The following ABCA12 variants were observed in gnomAD, a reference collection of about 807,000 sequenced individuals.
The protein encoded by ABCA12 is glucosylceramide transporter ABCA12.
In ABCA12, 156 loss-of-function variants were observed where a neutral mutation model predicts 293.5. The observed-to-expected ratio is 0.53, with a 90% CI of 0.47 to 0.61. The LOEUF (loss-of-function observed/expected upper bound fraction) is 0.61, where lower values mean the gene tolerates loss of function less well. Ranked by LOEUF, ABCA12 falls within the 20% of genes least tolerant of loss-of-function variation. The pLI is 0.00. For missense variants in ABCA12, 2,797 were observed against 3,090.2 expected (o/e 0.91, Z 2.25); for synonymous variants, 1,063 against 1,108.0 (o/e 0.96, Z 0.81).
At chr2:215,023,249 C>T (rs1700669797) in intron 11 of ABCA12, 1 of 152,170 alleles carries the variant, frequency 6.6e-6, no homozygotes, top group African/African-American at 2.4e-5. Flanking sequence ...TCCCATGTGT[C>T]ATACCCTATG....
In ABCA12 at chr2:214,992,477, A is replaced by G. The variant is rs2182545; in HGVS notation, c.3295-1446T>C. The stretch of plus-strand genomic sequence containing the variant: ...AAAAAAAAATGAAAAAAAAAAAAAA[A>G]CAATTCATGATTAATGTTAAGCCTA... On this transcript the variant is annotated intron_variant, in intron 23 of 52. Transcript: ENST00000272895. 5.7e-3 allele frequency among the ~76,000 whole-genome samples: 827 copies of G among 144,632 alleles called. 12 individuals are homozygous for G. The highest frequency in any genetic ancestry group is 0.02 in the African/African-American group (755 of 38,372). 94.9% of individuals were successfully genotyped at this position (144,632 alleles called of 152,430 possible).
chr2:214,995,519 T>C (rs1362530333), intron 23 of ABCA12, among the ~76,000 whole-genome samples: 1 of 152,166 alleles, frequency 6.6e-6, no homozygotes, highest in Admixed American at 6.5e-5. Flanking sequence ...TCCGTTCTAC[T>C]GCCAGATCTA....
intron 26 of ABCA12, among the ~76,000 whole-genome samples, chr2:214,988,945 A>G (rs1699846658): frequency 6.6e-6 from 1 of 151,338 alleles, no homozygotes; most frequent in South Asian, 2.1e-4. Flanking sequence ...TTGGGAGGCC[A>G]AGGCGGGCAG....
intron 39 of ABCA12, among the ~76,000 whole-genome samples, chr2:214,965,630 A>C (rs953099780): frequency 2.0e-5 from 3 of 152,232 alleles, no homozygotes; most frequent in Non-Finnish European, 4.4e-5. Flanking sequence ...ACATGAAAAA[A>C]AGCTCAACAT....
At chr2:215,125,272 C>A (rs1236559827) in intron 1 of ABCA12, among the ~76,000 whole-genome samples, 1 of 151,934 alleles carries the variant, frequency 6.6e-6, no homozygotes, top group African/African-American at 2.4e-5. Context: ...TTTAGTCTTG[C>A]TTTGGCTATG....
At chr2:215,108,769 C>A (rs188111283) in intron 2 of ABCA12, among the ~76,000 whole-genome samples, 71 of 152,144 alleles carry the variant, frequency 4.7e-4, no homozygotes, top group Admixed American at 3.7e-3. Flanking sequence ...ATTCTTTCTA[C>A]GACAAAAGAG....
chr2:214,986,347 C>A (rs547443266), intron 28 of ABCA12, among the ~76,000 whole-genome samples, 195 bp downstream of exon 28: 1 of 152,274 alleles, frequency 6.6e-6, no homozygotes, highest in African/African-American at 2.4e-5. Flanking sequence ...AAAATTGGCA[C>A]TGAATTAAAA....
At chr2:215,008,933 A>G (rs146814618) in intron 18 of ABCA12, among the ~76,000 whole-genome samples, 1,819 of 152,318 alleles carry the variant, frequency 0.012, 14 homozygotes, top group Non-Finnish European at 0.019. Flanking sequence ...TCAAAGACCT[A>G]AAGACAGAAA....
At chr2:214,984,356 A>G (rs959434552) in intron 28 of ABCA12, among the ~76,000 whole-genome samples, 2 of 152,154 alleles carry the variant, frequency 1.3e-5, no homozygotes, top group Non-Finnish European at 2.9e-5. Context: ...TTGGCCTCCC[A>G]AAGTGCTGGG....
At chr2:214,950,378 ATATATCTGTGTGTG>A (rs1227173041) in intron 45 of ABCA12, among the ~76,000 whole-genome samples, 3 of 75,770 alleles carry the variant, frequency 4.0e-5, no homozygotes, top group Non-Finnish European at 8.8e-5. Context: ...GTGTGTATAT[ATATATCTGTGTGTG>A]TGTGTGTGTG....
chr2:214,934,770 T>A (rs1165633877), intron 51 of ABCA12, among the ~76,000 whole-genome samples: 1 of 152,204 alleles, frequency 6.6e-6, no homozygotes, highest in African/African-American at 2.4e-5. Context: ...TAATCCATTC[T>A]AGTTGCCTTG....
chr2:214,954,122 AT>A lies in ABCA12; in HGVS notation c.6394-16del, dbSNP rs780642669. 1.2e-6 allele frequency: 2 copies of A among 1,612,214 alleles called. No homozygotes were observed. The highest frequency in any genetic ancestry group is 3.3e-5 in the Admixed American group (2 of 59,988). On this transcript the variant is annotated splice_polypyrimidine_tract_variant and intron_variant, in intron 43 of 52. Transcript: ENST00000272895. Reference sequence around the variant, plus strand: ...AGTTCTAAAGTCTGAAATAAGAGAAATAAAAATAAAACTCAGTGTTAAGTTT... The same window carrying A: ...AGTTCTAAAGTCTGAAATAAGAGAAAAAAAATAAAACTCAGTGTTAAGTTT...
intron 2 of ABCA12, among the ~76,000 whole-genome samples, chr2:215,068,291 G>A (rs1701673000): frequency 6.6e-6 from 1 of 152,166 alleles, no homozygotes; most frequent in African/African-American, 2.4e-5. Context: ...GGAACCACTG[G>A]ATTAGACTGC....
At position 214,931,821 on chromosome 2, in the gene ABCA12, C is replaced by T. The variant is rs1297239625; in HGVS notation, c.*813G>A. On this transcript the variant is annotated 3_prime_UTR_variant, in exon 53 of 53. Transcript: ENST00000272895. ...CCAAATATGAGGGTTTCTGAAAGAG[C>T]TTTAAAAAATGTTGCCTGCCAGTAG... is the stretch of plus-strand genomic sequence containing the variant. 2.0e-5 allele frequency: 3 copies of T among 152,378 alleles called. No individual in the cohort carries two copies. The highest frequency in any genetic ancestry group is 7.2e-5 in the African/African-American group (3 of 41,418). 9.4% of individuals were successfully genotyped at this position (152,378 alleles called of 1,614,324 possible). A position where few individuals can be genotyped will look rare whatever the true frequency, so the allele number is the denominator to read the frequency against.
intron 2 of ABCA12, among the ~76,000 whole-genome samples, chr2:215,069,586 C>G (rs1345969935): frequency 6.6e-6 from 1 of 152,112 alleles, no homozygotes; most frequent in Admixed American, 6.5e-5. Context: ...TAGTTCGTAA[C>G]ATTATATCAG....
rs141994536 is a variant in ABCA12, at chr2:215,005,616, A to G, written c.2593-1317T>C. Among the ~76,000 whole-genome samples the G allele has an allele frequency of 8.1e-3, 1,229 of 152,284 alleles. 10 individuals are homozygous for G. Among genetic ancestry groups the G allele is most frequent in the Non-Finnish European group, 0.014 (947 of 68,016 alleles). On this transcript the variant is annotated intron_variant, in intron 19 of 52. Coordinates refer to ENST00000272895, the MANE Select transcript of ABCA12 (RefSeq NM_173076.3). ...TTCTGCATCTTGGAAAATCTGTATCAGAGCATCACTAACAAATAAAGTACT... is the reference window on the plus strand; with the variant it reads ...TTCTGCATCTTGGAAAATCTGTATCGGAGCATCACTAACAAATAAAGTACT...
intron 49 of ABCA12, among the ~76,000 whole-genome samples, chr2:214,944,001 A>G (rs917215700): frequency 2.6e-5 from 4 of 152,238 alleles, no homozygotes; most frequent in African/African-American, 9.6e-5. Context: ...AGGCATGGAT[A>G]AAATGATTTA....
At chr2:215,015,772 C>T in intron 14 of ABCA12, 109 bp from the exon 15 acceptor site, 1 of 972,194 alleles carries the variant, frequency 1.0e-6, no homozygotes, top group Non-Finnish European at 1.6e-6. Flanking sequence ...ACAAAAGGTC[C>T]TCAAGAATCA....
Position 214,949,042 on chromosome 2 carries a change from G to C in ABCA12, c.6960C>G (p.Thr2320=). ...SSGNILIRNK[T]GSLGHVDSHS... ...ATTGAAGCATTAGTTTTTCATACCC[G>C]GTCTTATTTCTGATCAGAATGTTTC... Residue 2320 remains threonine, a splice_region_variant and synonymous_variant, in exon 46 of 53, where the codon ACC becomes ACG. Coordinates refer to ENST00000272895, the MANE Select transcript of ABCA12 (RefSeq NM_173076.3). The C allele has an allele frequency of 6.2e-7, 1 of 1,609,952 alleles. No individual in the cohort carries two copies. The highest frequency in any genetic ancestry group is 1.7e-5 in the Admixed American group (1 of 59,936).
Sources: gnomAD v4.1 joint callset for allele counts (sites outside exome capture counted in the v4.1 genomes callset) on GRCh38, gnomAD v4.1.1 for gene constraint, MANE v1.5 for transcripts, NCBI Gene and HGNC (gene_info 2026-07-23, HGNC 2026-07-21) for gene names.